The following QKI variants were observed in gnomAD, a reference collection of about 807,000 sequenced individuals.
QKI encodes QKI, KH domain containing RNA binding, also known as KH domain-containing RNA-binding protein QKI.
QKI carries 10 observed loss-of-function variants against 39.0 expected under a neutral mutation model. The observed-to-expected ratio is 0.26, with a 90% CI of 0.16 to 0.43. The LOEUF is 0.43. QKI is among the 20% of genes least tolerant of loss of function. QKI has a pLI of 1.00. For missense variants in QKI, 218 were observed against 428.0 expected (o/e 0.51, Z 4.33); for synonymous variants, 204 against 155.4 (o/e 1.31, Z -2.33).
intron 3 of QKI, among the ~76,000 whole-genome samples, chr6:163,519,875 T>C (rs1025888164): frequency 6.6e-5 from 10 of 152,174 alleles, no homozygotes; most frequent in Non-Finnish European, 1.3e-4. Flanking sequence ...ATTTTAGTGT[T>C]GTGATGAATG....
Position 163,576,742 on chromosome 6 carries a change from A to G in QKI, c.*6032A>G, listed in dbSNP as rs1281520737. 1 of 152,156 alleles carries G rather than the reference A, an allele frequency of 6.6e-6. No individual in the cohort carries two copies. The highest frequency in any genetic ancestry group is 1.9e-4 in the East Asian group (1 of 5,190). The allele number at this position is 152,156 out of a possible 1,614,324, so 9.4% of individuals were successfully genotyped here. A position where few individuals can be genotyped will look rare whatever the true frequency, so the allele number is the denominator to read the frequency against. On this transcript the variant is annotated 3_prime_UTR_variant, in exon 8 of 8. Coordinates refer to ENST00000361752, the MANE Select transcript of QKI (RefSeq NM_006775.3). ...GCTGCTTATCCTCCACCCCCAGAAA[A>G]TGCATGTATCAATATGAGAATAAAG...
intron 4 of QKI, 46 bp from the exon 5 acceptor site, chr6:163,561,936 G>A: frequency 1.4e-6 from 2 of 1,423,748 alleles, no homozygotes; most frequent in Non-Finnish European, 2.0e-6. Context: ...TATTATATTT[G>A]TGGACAGTCT....
intron 2 of QKI, among the ~76,000 whole-genome samples, chr6:163,472,991 TAGAA>T (rs1031140516): frequency 7.9e-5 from 12 of 151,914 alleles, no homozygotes; most frequent in Middle Eastern, 3.4e-3. Flanking sequence ...ACGAAGGAAG[TAGAA>T]GGAAGGAAAT....
At chr6:163,416,268 G>A (rs1787485131) in intron 1 of QKI, 1 of 235,612 alleles carries the variant, frequency 4.2e-6, no homozygotes, top group South Asian at 4.5e-5. Context: ...ATGACAAGAA[G>A]ATTAATGTTG....
At chr6:163,473,423 T>C (rs561364892) in intron 2 of QKI, among the ~76,000 whole-genome samples, 6 of 152,072 alleles carry the variant, frequency 3.9e-5, no homozygotes, top group Non-Finnish European at 8.8e-5. Context: ...ATGGACACAA[T>C]GAGGGGCAGA....
At chr6:163,561,806 A>C (rs890507884) in intron 4 of QKI, among the ~76,000 whole-genome samples, 176 bp from the exon 5 acceptor site, 3 of 152,166 alleles carry the variant, frequency 2.0e-5, no homozygotes, top group Non-Finnish European at 4.4e-5. Flanking sequence ...TACTGAGAAA[A>C]CAGAGAAAGC....
intron 1 of QKI, among the ~76,000 whole-genome samples, chr6:163,444,660 G>A (rs1010513485): frequency 3.3e-5 from 5 of 152,094 alleles, no homozygotes; most frequent in Admixed American, 1.3e-4. Context: ...GAAGAGTAAC[G>A]AATATATTAA....
intron 1 of QKI, among the ~76,000 whole-genome samples, chr6:163,430,241 T>A (rs1437768500): frequency 6.6e-6 from 1 of 152,178 alleles, no homozygotes; most frequent in Non-Finnish European, 1.5e-5. Flanking sequence ...CTTATCTCTA[T>A]CCTGTACAGG....
intron 3 of QKI, among the ~76,000 whole-genome samples, chr6:163,511,405 A>T (rs1779468952): frequency 6.6e-6 from 1 of 152,086 alleles, no homozygotes; most frequent in Admixed American, 6.5e-5. Context: ...GAGAAAAATA[A>T]TGAAACTAAA....
chr6:163,530,783 T>C (rs991711135), intron 3 of QKI, among the ~76,000 whole-genome samples: 3 of 152,266 alleles, frequency 2.0e-5, no homozygotes, highest in Non-Finnish European at 2.9e-5. Context: ...GCTTTTAGTG[T>C]TTACTTTCAA....
chr6:163,509,062 C>T (rs1779276185), intron 3 of QKI, among the ~76,000 whole-genome samples: 1 of 152,018 alleles, frequency 6.6e-6, no homozygotes, highest in Non-Finnish European at 1.5e-5. Flanking sequence ...TCACTTGAAT[C>T]CGGGAGGCGG....
chr6:163,469,019 T>C (rs1404654425), intron 2 of QKI, among the ~76,000 whole-genome samples: 4 of 152,148 alleles, frequency 2.6e-5, no homozygotes, highest in African/African-American at 9.7e-5. Context: ...TTGAGCTGTT[T>C]GTGGCTTCTT....
intron 4 of QKI, among the ~76,000 whole-genome samples, chr6:163,560,304 C>T (rs552953927): frequency 6.6e-6 from 1 of 152,158 alleles, no homozygotes; most frequent in East Asian, 1.9e-4. Context: ...GAGTATATTG[C>T]AGCCTCTTTT....
chr6:163,509,307 A>G (rs1779292162), intron 3 of QKI, among the ~76,000 whole-genome samples: 1 of 152,232 alleles, frequency 6.6e-6, no homozygotes, highest in South Asian at 2.1e-4. Context: ...ACACCAGGTA[A>G]TGCTAAAGGG....
intron 3 of QKI, among the ~76,000 whole-genome samples, chr6:163,505,437 C>G (rs982985003): frequency 6.6e-6 from 1 of 152,198 alleles, no homozygotes; most frequent in South Asian, 2.1e-4. Flanking sequence ...TGAAAGCAGC[C>G]GAGGGGACTG....
At chr6:163,422,773 A>T (rs529560374) in intron 1 of QKI, among the ~76,000 whole-genome samples, 1 of 152,264 alleles carries the variant, frequency 6.6e-6, no homozygotes, top group East Asian at 1.9e-4. Flanking sequence ...TGGCCCCGGG[A>T]TTGAATAAGT....
At chr6:163,430,001 G>A (rs550356697) in intron 1 of QKI, among the ~76,000 whole-genome samples, 1 of 152,162 alleles carries the variant, frequency 6.6e-6, no homozygotes, top group Non-Finnish European at 1.5e-5. Context: ...GCTATGGAAT[G>A]TTTCAGGAGA....
At chr6:163,528,939 G>A (rs901498593) in intron 3 of QKI, among the ~76,000 whole-genome samples, 1 of 152,092 alleles carries the variant, frequency 6.6e-6, no homozygotes, top group Non-Finnish European at 1.5e-5. Flanking sequence ...TCACTTTGCT[G>A]TTATATTGAG....
chr6:163,557,621 A>T (rs1371261298), intron 4 of QKI, among the ~76,000 whole-genome samples: 1 of 152,218 alleles, frequency 6.6e-6, no homozygotes, highest in East Asian at 1.9e-4. Context: ...CAATAGCACA[A>T]CAGGGTGACT....
Sources: gnomAD v4.1 joint callset for allele counts (sites outside exome capture counted in the v4.1 genomes callset) on GRCh38, gnomAD v4.1.1 for gene constraint, MANE v1.5 for transcripts, NCBI Gene and HGNC (gene_info 2026-07-23, HGNC 2026-07-21) for gene names.